The following LYRM4 variants were observed in gnomAD, a reference collection of about 807,000 sequenced individuals.
The protein encoded by LYRM4 is LYR motif containing 4, also known as LYR motif-containing protein 4.
In LYRM4, 9 loss-of-function variants were observed where a neutral mutation model predicts 11.7. The observed-to-expected ratio is 0.77, with a 90% CI of 0.46 to 1.34. LYRM4 has a LOEUF of 1.34. Among genes scored for constraint, LYRM4 ranks in the 40% most tolerant of loss-of-function variants. LYRM4 has a pLI of 0.00. For missense variants in LYRM4, 133 were observed against 112.5 expected, an observed-to-expected ratio of 1.18 and a Z score of -0.82; for synonymous variants, 42 against 40.4, an observed-to-expected ratio of 1.04 and a Z score of -0.15.
the LYRM4 span, among the ~76,000 whole-genome samples, chr6:5,041,407 A>G: frequency 6.6e-6 from 1 of 152,234 alleles, no homozygotes. Context: ...AGACTGTGAA[A>G]ATAAGATGTT....
intron 2 of LYRM4, among the ~76,000 whole-genome samples, chr6:5,121,607 G>A (rs112764631): frequency 0.014 from 2,078 of 152,214 alleles, 32 homozygotes; most frequent in South Asian, 0.086. Flanking sequence ...TGCCGCAACT[G>A]TCACCAGGCC....
At chr6:5,224,358 C>A (rs1762757552) in intron 1 of LYRM4, among the ~76,000 whole-genome samples, 1 of 152,180 alleles carries the variant, frequency 6.6e-6, no homozygotes, top group South Asian at 2.1e-4. Flanking sequence ...AATGAGGCAT[C>A]ATTTTGTGTC....
chr6:5,142,748 G>C (rs1353477988), intron 2 of LYRM4, among the ~76,000 whole-genome samples: 1 of 152,158 alleles, frequency 6.6e-6, no homozygotes, highest in Admixed American at 6.5e-5. Flanking sequence ...CCTTGCATTA[G>C]GAGATGGTGT....
chr6:5,198,027 AAAAAC>A (rs1761169799), intron 2 of LYRM4, among the ~76,000 whole-genome samples: 1 of 152,024 alleles, frequency 6.6e-6, no homozygotes, highest in African/African-American at 2.4e-5. Context: ...AAACAAAAAC[AAAAAC>A]AAAACAAAAC....
chr6:5,152,524 G>T (rs757135587), intron 2 of LYRM4, among the ~76,000 whole-genome samples: 2 of 152,148 alleles, frequency 1.3e-5, no homozygotes, highest in Non-Finnish European at 2.9e-5. Flanking sequence ...AAAATGTCCA[G>T]TCAGAAGGCA....
At chr6:5,094,588 G>T in the LYRM4 span, among the ~76,000 whole-genome samples, 1 of 152,230 alleles carries the variant, frequency 6.6e-6, no homozygotes, top group African/African-American at 2.4e-5. Flanking sequence ...GGTTTTGGCA[G>T]TGTTTATTTA....
intron 2 of LYRM4, among the ~76,000 whole-genome samples, chr6:5,189,245 T>C (rs1426932901): frequency 6.6e-6 from 1 of 152,256 alleles, no homozygotes; most frequent in Non-Finnish European, 1.5e-5. Context: ...TTGGAGAAAT[T>C]AAGTGCTTAG....
At chr6:5,190,530 G>A (rs1347191181) in intron 2 of LYRM4, among the ~76,000 whole-genome samples, 7 of 152,184 alleles carry the variant, frequency 4.6e-5, no homozygotes, top group African/African-American at 1.2e-4. Flanking sequence ...GGCATGCAGA[G>A]CGTGATAACT....
At chr6:5,253,833 C>CAAAAAAAAAAAA (rs59576268) in intron 1 of LYRM4, among the ~76,000 whole-genome samples, 1 of 137,776 alleles carries the variant, frequency 7.3e-6, no homozygotes. Context: ...TCATGCTGAG[C>CAAAAAAAAAAAA]AAAAAAAAAA....
the LYRM4 span, chr6:5,088,437 A>G: frequency 3.3e-5 from 5 of 152,220 alleles, no homozygotes; most frequent in South Asian, 2.1e-4. Context: ...AGAAAGTACT[A>G]TTTGGTGGCA....
At chr6:5,191,342 C>G (rs566085076) in intron 2 of LYRM4, among the ~76,000 whole-genome samples, 1 of 152,310 alleles carries the variant, frequency 6.6e-6, no homozygotes, top group South Asian at 2.1e-4. Context: ...ATGATTGTCA[C>G]AGGCAGCTCA....
At chr6:5,080,841 A>G in the LYRM4 span, among the ~76,000 whole-genome samples, 1 of 152,144 alleles carries the variant, frequency 6.6e-6, no homozygotes, top group East Asian at 1.9e-4. Context: ...ATTGTTTGAC[A>G]TTTCCCAGCC....
chr6:5,233,263 G>A (rs867294664), intron 1 of LYRM4, among the ~76,000 whole-genome samples: 4 of 152,230 alleles, frequency 2.6e-5, no homozygotes, highest in East Asian at 1.9e-4. Flanking sequence ...TCTGCAAGCC[G>A]AAAGCAGGTG....
intron 1 of LYRM4, among the ~76,000 whole-genome samples, chr6:5,259,018 T>A (rs187723238): frequency 6.6e-6 from 1 of 152,238 alleles, no homozygotes; most frequent in Non-Finnish European, 1.5e-5. Context: ...TCCTTAGAGA[T>A]TGTCTAGTCC....
At chr6:5,082,157 G>C in the LYRM4 span, among the ~76,000 whole-genome samples, 2 of 152,196 alleles carry the variant, frequency 1.3e-5, no homozygotes, top group Non-Finnish European at 2.9e-5. Context: ...CTAATTTGTA[G>C]CTGGAGGGGC....
intron 2 of LYRM4, among the ~76,000 whole-genome samples, chr6:5,125,507 G>T (rs1396040416): frequency 6.6e-6 from 1 of 152,188 alleles, no homozygotes; most frequent in African/African-American, 2.4e-5. Context: ...GCTGGACGAA[G>T]GAATGAATTC....
At chr6:5,045,927 G>T in the LYRM4 span, among the ~76,000 whole-genome samples, 5 of 152,292 alleles carry the variant, frequency 3.3e-5, no homozygotes, top group African/African-American at 1.2e-4. Context: ...TCTGGTGCCT[G>T]GATAACTAAA....
chr6:5,258,897 G>T (rs1351617949), intron 1 of LYRM4, among the ~76,000 whole-genome samples: 1 of 152,140 alleles, frequency 6.6e-6, no homozygotes, highest in Admixed American at 6.5e-5. Context: ...TGATTTTCCT[G>T]TTGAGTTTCG....
At chr6:5,086,416 C>A in the LYRM4 span, 1 of 1,536,326 alleles carries the variant, frequency 6.5e-7, no homozygotes, top group Non-Finnish European at 8.7e-7. Flanking sequence ...CCCGGGCCTG[C>A]AGCCTGAGGA....
Sources: gnomAD v4.1 joint callset for allele counts (sites outside exome capture counted in the v4.1 genomes callset) on GRCh38, gnomAD v4.1.1 for gene constraint, MANE v1.5 for transcripts, NCBI Gene and HGNC (gene_info 2026-07-23, HGNC 2026-07-21) for gene names.